Variants in KIF6 observed in about 807,000 individuals in gnomAD.
KIF6 encodes the protein kinesin-like protein KIF6.
A neutral mutation model predicts 112.7 loss-of-function variants in KIF6; 106 were observed. The ratio of observed to expected loss-of-function variants is 0.94; its 90% CI spans 0.80 to 1.11. The LOEUF (loss-of-function observed/expected upper bound fraction) is 1.11, where lower values mean the gene tolerates loss of function less well. Ranked by LOEUF, KIF6 falls within the 50% of genes least tolerant of loss-of-function variation. The probability of loss-of-function intolerance (pLI) is 0.00; values close to 1 mark genes in which losing one functional copy is unlikely to be tolerated. For synonymous variants in KIF6, 339 were observed against 339.9 expected, an observed-to-expected ratio of 1.00 and a Z score of 0.03; for missense variants, 929 against 964.0, an observed-to-expected ratio of 0.96 and a Z score of 0.48.
chr6:39,650,444 TA>T (rs1252001702), intron 3 of KIF6, among the ~76,000 whole-genome samples: 2 of 152,092 alleles, frequency 1.3e-5, no homozygotes, highest in Non-Finnish European at 2.9e-5. Flanking sequence ...CAGCATACAG[TA>T]TTGAAAAGTG....
chr6:39,560,569 T>C (rs1779957096), intron 10 of KIF6, among the ~76,000 whole-genome samples: 2 of 152,196 alleles, frequency 1.3e-5, no homozygotes, highest in Admixed American at 6.5e-5. Flanking sequence ...GATTCACGAG[T>C]CTGCACATCC....
intron 13 of KIF6, among the ~76,000 whole-genome samples, chr6:39,490,505 T>C (rs1775415524): frequency 6.6e-6 from 1 of 152,320 alleles, no homozygotes. Context: ...AGCAAATGAC[T>C]TGGCTACACT....
chr6:39,529,372 T>C (rs1475371007), intron 13 of KIF6, among the ~76,000 whole-genome samples: 1 of 152,150 alleles, frequency 6.6e-6, no homozygotes, highest in African/African-American at 2.4e-5. Flanking sequence ...AGGCAACCTA[T>C]GAATTGGGAG....
At chr6:39,664,476 T>A (rs1269288093) in intron 3 of KIF6, among the ~76,000 whole-genome samples, 1 of 152,216 alleles carries the variant, frequency 6.6e-6, no homozygotes, top group East Asian at 1.9e-4. Flanking sequence ...ATTCGTGTCC[T>A]CCGGACCCAA....
intron 10 of KIF6, among the ~76,000 whole-genome samples, chr6:39,555,310 T>C (rs781522844): frequency 3.9e-5 from 6 of 152,014 alleles, no homozygotes; most frequent in Non-Finnish European, 7.4e-5. Context: ...GCCAGCCCAA[T>C]GTCCTGCTCC....
chr6:39,347,037 C>T (rs764652413), intron 19 of KIF6, among the ~76,000 whole-genome samples: 35 of 152,192 alleles, frequency 2.3e-4, no homozygotes, highest in South Asian at 6.2e-4. Flanking sequence ...TTGATAGACA[C>T]GCCAGGCTTC....
At chr6:39,437,919 T>G (rs772888585) in intron 13 of KIF6, among the ~76,000 whole-genome samples, 1 of 152,064 alleles carries the variant, frequency 6.6e-6, no homozygotes, top group Non-Finnish European at 1.5e-5. Context: ...ACATAATACT[T>G]GATAATAAAT....
Position 39,720,821 on chromosome 6 carries a change from T to C in KIF6, c.67-10A>G, listed in dbSNP as rs1790173057. ...CATCTATGGAATAAATCTGCAAATG[T>C]GAAGACAACAAATGGATATAAAATG... On this transcript the variant is annotated splice_polypyrimidine_tract_variant and intron_variant, in intron 1 of 22. Coordinates refer to ENST00000287152, the MANE Select transcript of KIF6 (RefSeq NM_145027.6). 11 of 1,190,412 alleles carry C rather than the reference T, an allele frequency of 9.2e-6. No homozygotes were observed. Among genetic ancestry groups the C allele is most frequent in the Non-Finnish European group, 1.4e-5 (11 of 793,670 alleles). The allele number at this position is 1,190,412 out of a possible 1,614,324, so 73.7% of individuals were successfully genotyped here.
chr6:39,722,821 A>T (rs1790297476), intron 1 of KIF6, among the ~76,000 whole-genome samples: 1 of 152,216 alleles, frequency 6.6e-6, no homozygotes, highest in Non-Finnish European at 1.5e-5. Context: ...TGTGTGTGTG[A>T]CACCTAAAAA....
chr6:39,507,702 TCCTC>T (rs776630253), intron 13 of KIF6, among the ~76,000 whole-genome samples: 1 of 110,540 alleles, frequency 9.0e-6, no homozygotes, highest in African/African-American at 3.7e-5. Flanking sequence ...CTTCCTTCCT[TCCTC>T]CCTCCCTCCC....
At chr6:39,716,255 A>G (rs1004131766) in intron 2 of KIF6, among the ~76,000 whole-genome samples, 6 of 96,072 alleles carry the variant, frequency 6.2e-5, no homozygotes, top group Non-Finnish European at 1.4e-4. Context: ...CCTACCATGT[A>G]CCAGTCACTT....
Position 39,616,188 on chromosome 6 carries a change from T to C in KIF6, c.510-2870A>G, listed in dbSNP as rs143717812. 7.7e-3 allele frequency among the ~76,000 whole-genome samples: 1,166 copies of C among 152,294 alleles called. 19 individuals are homozygous for C. The highest frequency in any genetic ancestry group is 0.027 in the African/African-American group (1,109 of 41,556). ...GGTAAAAAGTGTTAAATGTCATCAG[T>C]GATATTTGGCTAAGCTACTTTTTTC... is the stretch of plus-strand genomic sequence containing the variant. On this transcript the variant is annotated intron_variant, in intron 5 of 22. Coordinates refer to ENST00000287152, the MANE Select transcript of KIF6 (RefSeq NM_145027.6).
chr6:39,662,772 T>A (rs1028304109), intron 3 of KIF6, among the ~76,000 whole-genome samples: 2 of 152,162 alleles, frequency 1.3e-5, no homozygotes, highest in African/African-American at 4.8e-5. Flanking sequence ...AGCAAGGTGT[T>A]TCTCTGCCTG....
intron 14 of KIF6, among the ~76,000 whole-genome samples, chr6:39,430,713 T>G (rs1771090210): frequency 6.6e-6 from 1 of 152,166 alleles, no homozygotes; most frequent in Non-Finnish European, 1.5e-5. Context: ...TATAATTTGG[T>G]CCATAGACTT....
At chr6:39,535,861 G>A (rs1430421884) in intron 13 of KIF6, among the ~76,000 whole-genome samples, 16 of 151,962 alleles carry the variant, frequency 1.1e-4, no homozygotes, top group Admixed American at 6.6e-4. Context: ...ATAACAAACT[G>A]TCTCTCAGAC....
intron 5 of KIF6, among the ~76,000 whole-genome samples, chr6:39,633,094 G>A (rs73732174): frequency 0.057 from 8,620 of 151,862 alleles, 800 homozygotes; most frequent in African/African-American, 0.2. Context: ...TCAGAGGTAG[G>A]AAATATGCCT....
intron 13 of KIF6, among the ~76,000 whole-genome samples, chr6:39,510,615 C>T (rs7754249): frequency 5.3e-5 from 8 of 151,870 alleles, no homozygotes; most frequent in South Asian, 2.1e-4. Context: ...AGATCATCGA[C>T]GCTATGAAGA....
At chr6:39,649,905 G>A (rs1049150109) in intron 3 of KIF6, among the ~76,000 whole-genome samples, 1 of 152,142 alleles carries the variant, frequency 6.6e-6, no homozygotes, top group African/African-American at 2.4e-5. Flanking sequence ...TGTGTGATAG[G>A]AAAACAAGAA....
Position 39,346,132 on chromosome 6 carries a change from C to CCTCTCTCTCTCTCTCTCT in KIF6, c.2231+326_2231+343dup, listed in dbSNP as rs779814201. ...CTCCCTCTCCCTCTCCCTCCCTCTC[C>CCTCTCTCTCTCTCTCTCT]CTCTCTCTCTCTCTCTCTCTCTCTC... On this transcript the variant is annotated intron_variant, in intron 20 of 22. Transcript: ENST00000287152. Among the ~76,000 whole-genome samples, 98 of 26,922 alleles carry CCTCTCTCTCTCTCTCTCT rather than the reference C, an allele frequency of 3.6e-3. 5 individuals carry two copies. Among genetic ancestry groups the CCTCTCTCTCTCTCTCTCT allele is most frequent in the African/African-American group, 0.013 (88 of 6,752 alleles). The allele number at this position is 26,922 out of a possible 152,430, so 17.7% of individuals were successfully genotyped here. A position where few individuals can be genotyped will look rare whatever the true frequency, so the allele number is the denominator to read the frequency against.
Sources: allele counts gnomAD v4.1 joint callset (sites outside exome capture counted in the v4.1 genomes callset), GRCh38; gene constraint gnomAD v4.1.1; transcripts MANE v1.5; gene names NCBI Gene and HGNC (gene_info 2026-07-23, HGNC 2026-07-21).